ITSN1: variants seen among roughly 807,000 people sequenced by gnomAD.
ITSN1 encodes the protein intersectin 1.
In ITSN1, 58 loss-of-function variants were observed where a neutral mutation model predicts 239.8. The observed-to-expected ratio is 0.24, with a 90% CI of 0.20 to 0.30. ITSN1 has a LOEUF of 0.30. ITSN1 is among the 10% of genes least tolerant of loss of function. The pLI is 1.00. For missense variants in ITSN1, 1,558 were observed against 2,103.3 expected, an observed-to-expected ratio of 0.74 and a Z score of 5.07; for synonymous variants, 780 against 770.8, an observed-to-expected ratio of 1.01 and a Z score of -0.20.
chr21:33,736,376 A>G (rs1056993123), intron 5 of ITSN1, among the ~76,000 whole-genome samples: 2 of 152,260 alleles, frequency 1.3e-5, no homozygotes, highest in Non-Finnish European at 2.9e-5. Context: ...ATTAAAAACA[A>G]TGTATTGCCT....
At position 33,721,278 on chromosome 21, in the gene ITSN1, C is replaced by G. The variant is rs763612335; in HGVS notation, c.121+8C>G. ...TATCTGGATTCATTACTGGTAATCA[C>G]AGTCAGCATTTTTTCATTTTTACTT... On this transcript the variant is annotated splice_region_variant and intron_variant, in intron 3 of 39. Transcript: ENST00000381318. 1 of 1,563,592 alleles carries G rather than the reference C, an allele frequency of 6.4e-7. No individual in the cohort carries two copies. The highest frequency in any genetic ancestry group is 1.1e-5 in the South Asian group (1 of 90,124).
At chr21:33,783,691 CAAAA>C (rs11349210) in intron 16 of ITSN1, among the ~76,000 whole-genome samples, 2 of 132,014 alleles carry the variant, frequency 1.5e-5, no homozygotes, top group Non-Finnish European at 1.7e-5. Context: ...CTTTTATAAG[CAAAA>C]AAAAAAAAAA....
At chr21:33,817,449 G>A in intron 22 of ITSN1, 1 of 1,304,400 alleles carries the variant, frequency 7.7e-7, no homozygotes, top group Middle Eastern at 2.1e-4. Flanking sequence ...TTACGCTGAT[G>A]CCCCCAGGCA....
At chr21:33,752,959 C>T (rs756469780) in intron 7 of ITSN1, among the ~76,000 whole-genome samples, 3 of 152,098 alleles carry the variant, frequency 2.0e-5, no homozygotes, top group Non-Finnish European at 4.4e-5. Flanking sequence ...GCCTTCATTA[C>T]CTTTTAAAAA....
intron 19 of ITSN1, among the ~76,000 whole-genome samples, chr21:33,801,906 T>C (rs1320090115): frequency 6.6e-6 from 1 of 152,254 alleles, no homozygotes; most frequent in African/African-American, 2.4e-5. Context: ...CACCACCTGC[T>C]GTTTCCTACA....
chr21:33,728,624 A>T (rs181853701), intron 4 of ITSN1, among the ~76,000 whole-genome samples: 2 of 152,058 alleles, frequency 1.3e-5, no homozygotes, highest in African/African-American at 4.8e-5. Flanking sequence ...CTAGTTCCTC[A>T]CATCGCAGGT....
rs1466656406 is a variant in ITSN1, at chr21:33,890,062, TCAGGCATGC to T, written c.*1763_*1771del. On this transcript the variant is annotated 3_prime_UTR_variant, in exon 40 of 40. Transcript: ENST00000381318. ...AACATGTTAGAGACCAAGTTTAACTTCAGGCATGCATTTGTTTACCATTTCCCAGCAGAA... is the reference window on the plus strand; with the variant it reads ...AACATGTTAGAGACCAAGTTTAACTTATTTGTTTACCATTTCCCAGCAGAA... The T allele has an allele frequency of 6.6e-6, 1 of 152,240 alleles. No homozygotes were observed. The highest frequency in any genetic ancestry group is 1.5e-5 in the Non-Finnish European group (1 of 68,040). The allele number at this position is 152,240 out of a possible 1,614,324, so 9.4% of individuals were successfully genotyped here. A position where few individuals can be genotyped will look rare whatever the true frequency, so the allele number is the denominator to read the frequency against.
chr21:33,657,902 C>A (rs1221158301), intron 1 of ITSN1, among the ~76,000 whole-genome samples: 1 of 152,140 alleles, frequency 6.6e-6, no homozygotes, highest in Non-Finnish European at 1.5e-5. Context: ...AGGAGGATTG[C>A]TTGAGCCCAG....
At chr21:33,828,386 G>A (rs2148345861) in intron 26 of ITSN1, among the ~76,000 whole-genome samples, 1 of 152,334 alleles carries the variant, frequency 6.6e-6, no homozygotes, top group African/African-American at 2.4e-5. Flanking sequence ...CCATGCTGTG[G>A]CCTTTCTTGC....
intron 27 of ITSN1, among the ~76,000 whole-genome samples, chr21:33,833,846 G>A (rs905719448): frequency 6.6e-6 from 1 of 151,118 alleles, no homozygotes; most frequent in African/African-American, 2.4e-5. Context: ...CACTCCAGCC[G>A]GGGTGACAGA....
At chr21:33,712,903 G>C (rs1439028362) in intron 1 of ITSN1, among the ~76,000 whole-genome samples, 1 of 152,126 alleles carries the variant, frequency 6.6e-6, no homozygotes, top group Admixed American at 6.5e-5. Context: ...TTGAGACTGA[G>C]TCTTGCTCTT....
intron 1 of ITSN1, among the ~76,000 whole-genome samples, chr21:33,675,964 A>AT (rs1046439052): frequency 5.2e-4 from 78 of 150,598 alleles, no homozygotes; most frequent in African/African-American, 1.9e-3. Context: ...AACTTGTGGA[A>AT]TTTTTTTTCT....
At chr21:33,737,379 A>G (rs1274282288) in intron 5 of ITSN1, among the ~76,000 whole-genome samples, 2 of 152,156 alleles carry the variant, frequency 1.3e-5, no homozygotes, top group Non-Finnish European at 2.9e-5. Flanking sequence ...TCAGTAAATG[A>G]TTTTGATGAG....
intron 17 of ITSN1, among the ~76,000 whole-genome samples, chr21:33,794,928 G>A (rs1407604551): frequency 2.6e-5 from 4 of 152,134 alleles, no homozygotes; most frequent in Admixed American, 6.5e-5. Flanking sequence ...ATTTGCCACC[G>A]CTGCTTAGTG....
intron 1 of ITSN1, among the ~76,000 whole-genome samples, chr21:33,677,364 A>G (rs1319041032): frequency 1.3e-5 from 2 of 150,580 alleles, no homozygotes; most frequent in African/African-American, 2.5e-5. Context: ...TTTTTAAGAC[A>G]GAGTCTCACT....
chr21:33,712,598 T>C (rs1188236464), intron 1 of ITSN1, among the ~76,000 whole-genome samples: 1 of 152,230 alleles, frequency 6.6e-6, no homozygotes, highest in Admixed American at 6.5e-5. Context: ...TTTTCATTAG[T>C]TCCTTTAACC....
chr21:33,829,971 C>A (rs1205576106), intron 27 of ITSN1, among the ~76,000 whole-genome samples: 1 of 152,150 alleles, frequency 6.6e-6, no homozygotes, highest in African/African-American at 2.4e-5. Context: ...CATATCTTTC[C>A]CATTCCTGAA....
At chr21:33,805,579 A>G (rs1315188698) in intron 20 of ITSN1, among the ~76,000 whole-genome samples, 1 of 152,164 alleles carries the variant, frequency 6.6e-6, no homozygotes, top group Non-Finnish European at 1.5e-5. Flanking sequence ...CTTCATTCAC[A>G]TATTGTGTGC....
At position 33,775,064 on chromosome 21, in the gene ITSN1, G is replaced by A. The variant is rs753939781; in HGVS notation, c.1552G>A (p.Glu518Lys). 1 of 1,614,090 alleles carries A rather than the reference G, an allele frequency of 6.2e-7. No homozygotes were observed. Among genetic ancestry groups the A allele is most frequent in the South Asian group, 1.1e-5 (1 of 91,034 alleles). ...QEIESTNKSR[E>K]LRIAEITHLQ... The stretch of plus-strand genomic sequence containing the variant: ...AATTGAGAGCACAAACAAATCTAGA[G>A]AGTTGAGAATTGCCGAAATCACCCA... Residue 518 changes from glutamate to lysine, a missense_variant, in exon 14 of 40, where the codon GAG becomes AAG. This residue lies in a region of ITSN1 where 982 missense variants were observed against 1,209.9 expected (regional missense o/e 0.81). Coordinates refer to ENST00000381318, the MANE Select transcript of ITSN1 (RefSeq NM_003024.3).
Sources: allele counts gnomAD v4.1 joint callset (sites outside exome capture counted in the v4.1 genomes callset), GRCh38; gene constraint gnomAD v4.1.1; regional missense constraint gnomAD v4.1.1; transcripts MANE v1.5; gene names NCBI Gene and HGNC (gene_info 2026-07-23, HGNC 2026-07-21).